Variants in MAD1L1 observed in about 807,000 individuals in gnomAD.
The protein encoded by MAD1L1 is mitotic spindle assembly checkpoint protein MAD1.
A neutral mutation model predicts 96.9 loss-of-function variants in MAD1L1; 95 were observed. The ratio of observed to expected loss-of-function variants is 0.98; its 90% CI spans 0.83 to 1.16. The LOEUF is 1.16. MAD1L1 is among the 50% of genes most tolerant of loss of function. MAD1L1 has a pLI of 0.00. For missense variants in MAD1L1, 1,007 were observed against 954.4 expected, an observed-to-expected ratio of 1.06 and a Z score of -0.73; for synonymous variants, 473 against 396.6, an observed-to-expected ratio of 1.19 and a Z score of -2.29.
At position 2,024,084 on chromosome 7, in the gene MAD1L1, A is replaced by C. The variant is rs533581293; in HGVS notation, c.1219-9442T>G. On this transcript the variant is annotated intron_variant, in intron 12 of 18. Transcript: ENST00000265854. ...AAAGCTGGTTCCTTAAAATTCATAA[A>C]TCTGTAGCCAGGTTAACCAACATTA... Among the ~76,000 whole-genome samples, 6 of 151,826 alleles carry C rather than the reference A, an allele frequency of 4.0e-5. No individual in the cohort carries two copies. In the South Asian group the frequency reaches 1.2e-3, roughly 32 times the overall value.
intron 16 of MAD1L1, among the ~76,000 whole-genome samples, chr7:1,946,297 C>A (rs1202242069): frequency 6.6e-6 from 1 of 152,138 alleles, no homozygotes; most frequent in Non-Finnish European, 1.5e-5. Flanking sequence ...CCCCGTGCAC[C>A]CCACCCACCT....
chr7:1,930,586 T>A, intron 17 of MAD1L1, among the ~76,000 whole-genome samples: 1 of 102,062 alleles, frequency 9.8e-6, no homozygotes, highest in Non-Finnish European at 2.0e-5. Context: ...CTGCGTCCCC[T>A]CGCCCACCCC....
At chr7:2,207,733 A>G (rs1209463930) in intron 10 of MAD1L1, among the ~76,000 whole-genome samples, 1 of 152,214 alleles carries the variant, frequency 6.6e-6, no homozygotes, top group East Asian at 1.9e-4. Context: ...AATGAAACCC[A>G]AGGAGTGGGT....
intron 17 of MAD1L1, among the ~76,000 whole-genome samples, chr7:1,900,249 CT>C (rs1397135739): frequency 6.6e-6 from 1 of 152,264 alleles, no homozygotes; most frequent in Non-Finnish European, 1.5e-5. Context: ...AGCAAGGGCG[CT>C]GCCTGCCATG....
At chr7:1,990,705 C>A (rs1326178113) in intron 14 of MAD1L1, among the ~76,000 whole-genome samples, 1 of 152,248 alleles carries the variant, frequency 6.6e-6, no homozygotes, top group African/African-American at 2.4e-5. Context: ...CCCAGGGCCG[C>A]CACTGCTGGC....
intron 15 of MAD1L1, among the ~76,000 whole-genome samples, chr7:1,975,819 G>T (rs1316781638): frequency 6.6e-6 from 1 of 152,086 alleles, no homozygotes; most frequent in East Asian, 1.9e-4. Context: ...GCACCTCCCG[G>T]GACCCAGAAG....
intron 17 of MAD1L1, among the ~76,000 whole-genome samples, chr7:1,933,842 AGT>A (rs1295618016): frequency 1.3e-5 from 2 of 152,154 alleles, no homozygotes; most frequent in Admixed American, 6.5e-5. Context: ...ACTGTGCTTC[AGT>A]CAGTGGCATC....
chr7:1,838,492 T>C (rs1247442341), intron 18 of MAD1L1: 13 of 317,616 alleles, frequency 4.1e-5, no homozygotes, highest in Admixed American at 3.9e-4. Flanking sequence ...GACCGTATGA[T>C]TCATCAGTAA....
At chr7:1,937,416 C>G (rs1265247030) in intron 16 of MAD1L1, among the ~76,000 whole-genome samples, 1 of 152,196 alleles carries the variant, frequency 6.6e-6, no homozygotes, top group African/African-American at 2.4e-5. Flanking sequence ...ATGCGCCTCG[C>G]AACCTGATGT....
intron 13 of MAD1L1, among the ~76,000 whole-genome samples, chr7:2,007,395 G>C (rs1483238906): frequency 6.6e-6 from 1 of 152,248 alleles, no homozygotes; most frequent in Admixed American, 6.5e-5. Flanking sequence ...GTCTTAAGAA[G>C]TTAGGGCCCG....
chr7:1,935,314 G>A (rs999837453), intron 17 of MAD1L1, among the ~76,000 whole-genome samples: 2 of 152,238 alleles, frequency 1.3e-5, no homozygotes, highest in African/African-American at 2.4e-5. Flanking sequence ...AGTGGAGACC[G>A]GGAGCAGCCC....
At position 2,103,685 on chromosome 7, in the gene MAD1L1, G is replaced by C. The variant is rs1786937348; in HGVS notation, c.1074-34347C>G. The stretch of plus-strand genomic sequence containing the variant: ...GGGAGAAGGAGGGAGCGGCCACGAG[G>C]AGGAGCCAGGGAGGCGGCTACTCAG... On this transcript the variant is annotated intron_variant, in intron 11 of 18. Transcript: ENST00000265854. This position sits in a 1 kb window ranked among gnomAD's most constrained non-coding sequence, Gnocchi z 4.3. Among the ~76,000 whole-genome samples, 1 of 152,166 alleles carries C rather than the reference G, an allele frequency of 6.6e-6. No individual in the cohort carries two copies. The highest frequency in any genetic ancestry group is 2.4e-5 in the African/African-American group (1 of 41,444).
At chr7:1,816,525 T>TG (rs1263491408) in intron 18 of MAD1L1, among the ~76,000 whole-genome samples, 2 of 152,094 alleles carry the variant, frequency 1.3e-5, no homozygotes, top group Non-Finnish European at 2.9e-5. Context: ...TTCCTCCACC[T>TG]GGGGGGCTCC....
intron 18 of MAD1L1, among the ~76,000 whole-genome samples, chr7:1,864,327 A>G (rs1421839834): frequency 1.3e-5 from 2 of 152,092 alleles, no homozygotes; most frequent in Admixed American, 1.3e-4. Context: ...TGCAGGGCAG[A>G]CCCGGGGCCC....
intron 12 of MAD1L1, among the ~76,000 whole-genome samples, chr7:2,061,506 C>T (rs562106167): frequency 7.1e-4 from 108 of 152,338 alleles, no homozygotes; most frequent in African/African-American, 2.5e-3. Context: ...CAACAGCTTT[C>T]GAGTACAGGC....
chr7:2,047,541 T>C (rs1165303075), intron 12 of MAD1L1, among the ~76,000 whole-genome samples: 3 of 152,248 alleles, frequency 2.0e-5, no homozygotes, highest in African/African-American at 7.2e-5. Context: ...TTTATTGCTG[T>C]TTAATAACTA....
chr7:1,890,395 C>A (rs1457439835), intron 18 of MAD1L1, among the ~76,000 whole-genome samples: 2 of 152,198 alleles, frequency 1.3e-5, no homozygotes, highest in African/African-American at 2.4e-5. Context: ...GAGCCTGGCA[C>A]CCCACCCCTT....
At chr7:1,955,222 A>C (rs1380819885) in intron 16 of MAD1L1, among the ~76,000 whole-genome samples, 1 of 152,254 alleles carries the variant, frequency 6.6e-6, no homozygotes, top group Non-Finnish European at 1.5e-5. Flanking sequence ...TCTTCCTTGA[A>C]GCGGCCCAAC....
intron 14 of MAD1L1, among the ~76,000 whole-genome samples, chr7:1,990,028 G>C (rs1267820439): frequency 6.6e-6 from 1 of 152,244 alleles, no homozygotes; most frequent in Non-Finnish European, 1.5e-5. Flanking sequence ...ATAACAAGAG[G>C]AGGAGCTGGG....
Sources: gnomAD v4.1 joint callset for allele counts (sites outside exome capture counted in the v4.1 genomes callset) on GRCh38, gnomAD v4.1.1 for gene constraint, Gnocchi (gnomAD v3.1) non-coding constraint, MANE v1.5 for transcripts, NCBI Gene and HGNC (gene_info 2026-07-23, HGNC 2026-07-21) for gene names.